The following MLH3 variants were observed in gnomAD, a reference collection of about 807,000 sequenced individuals.
MLH3 encodes the protein mutL homolog 3.
A neutral mutation model predicts 122.2 loss-of-function variants in MLH3; 82 were observed. The ratio of observed to expected loss-of-function variants is 0.67; its 90% CI spans 0.56 to 0.81. The LOEUF (loss-of-function observed/expected upper bound fraction) is 0.81, where lower values mean the gene tolerates loss of function less well. Among genes scored for constraint, MLH3 ranks in the 30% least tolerant of loss-of-function variants. The pLI is 0.00. For synonymous variants in MLH3, 524 were observed against 599.5 expected (o/e 0.87, Z 1.84); for missense variants, 1,539 against 1,714.5 (o/e 0.90, Z 1.81).
At chr14:75,029,981 C>G (rs1436823631) in intron 9 of MLH3, among the ~76,000 whole-genome samples, 1 of 121,120 alleles carries the variant, frequency 8.3e-6, no homozygotes, top group East Asian at 2.0e-4. Context: ...GCCCCCATCT[C>G]TACAAAAAAA....
At position 75,038,305 on chromosome 14, in the gene MLH3, G is replaced by C. The variant is rs3742780; in HGVS notation, c.3643+35C>G. ...TTAAAAAAAGGTTACAAGAAGACCA[G>C]CTGGTTAATCATTCAGGCTAAACTC... On this transcript the variant is annotated intron_variant, in intron 6 of 12. Coordinates refer to ENST00000355774, the MANE Select transcript of MLH3 (RefSeq NM_001040108.2). 701,302 of 1,443,704 alleles carry C rather than the reference G, an allele frequency of 0.49. 178,086 individuals are homozygous for C. The highest frequency in any genetic ancestry group is 0.83 in the East Asian group (36,617 of 44,200). 89.4% of individuals were successfully genotyped at this position (1,443,704 alleles called of 1,614,324 possible).
intron 9 of MLH3, among the ~76,000 whole-genome samples, chr14:75,027,312 T>A (rs577197787): frequency 6.6e-6 from 1 of 150,808 alleles, no homozygotes; most frequent in South Asian, 2.1e-4. Context: ...CAGGCTGGGG[T>A]GCAATGGCGT....
In MLH3 at chr14:75,048,710, C is replaced by G. The variant is rs780230299; in HGVS notation, c.946G>C (p.Glu316Gln). ...YVINVQCQFC[E>Q]YDVCMEPAKT... ...GCTGGCTCCATGCACACATCATACTCACAGAATTGGCACTGCACATTAATT... is the reference window on the plus strand; with the variant it reads ...GCTGGCTCCATGCACACATCATACTGACAGAATTGGCACTGCACATTAATT... The change falls in exon 2 of 13, where the codon GAG becomes CAG. Residue 316 changes from glutamate (E) to glutamine (Q), a missense_variant. Coordinates refer to ENST00000355774, the MANE Select transcript of MLH3 (RefSeq NM_001040108.2). The G allele has an allele frequency of 1.9e-6, 3 of 1,614,050 alleles. No individual in the cohort carries two copies. Among genetic ancestry groups the G allele is most frequent in the African/African-American group, 2.7e-5 (2 of 74,916 alleles).
chr14:75,047,512 G>A lies in MLH3; in HGVS notation c.2144C>T (p.Pro715Leu), dbSNP rs1892331703. ...AACGTGTCTATACCAGGGGAAAGAG[G>A]GGGATGTATCAGATAATATGCAATC... ...QTDCILSDTS[P>L]SFPWYRHVSN... Residue 715 changes from proline (P) to leucine (L), a missense_variant, in exon 2 of 13, where the codon CCC becomes CTC. Physicochemically the swap from Pro to Leu is moderately conservative, Grantham distance 98. Transcript: ENST00000355774. 3 of 1,613,884 alleles carry A rather than the reference G, an allele frequency of 1.9e-6. No homozygotes were observed. Among genetic ancestry groups the A allele is most frequent in the Non-Finnish European group, 2.5e-6 (3 of 1,179,984 alleles).
intron 11 of MLH3, among the ~76,000 whole-genome samples, chr14:75,021,303 G>A (rs939947349): frequency 1.3e-5 from 2 of 152,252 alleles, no homozygotes; most frequent in Non-Finnish European, 2.9e-5. Flanking sequence ...ATTGACAAGT[G>A]AGACTTAATT....
chr14:75,043,498 C>T (rs1892010828), intron 2 of MLH3, among the ~76,000 whole-genome samples: 1 of 152,186 alleles, frequency 6.6e-6, no homozygotes, highest in South Asian at 2.1e-4. Flanking sequence ...ATTCAAACTC[C>T]AGAGTCTAGT....
rs995768350 is a variant in MLH3 at position 75,014,934 on chromosome 14, C to T, written c.*2148G>A. ...CAAACCAGTTAACAGCTCCGAGCTT[C>T]GAAGTTTTATTATACAAAGGTGACA... On this transcript the variant is annotated 3_prime_UTR_variant, in exon 13 of 13. Coordinates refer to ENST00000355774, the MANE Select transcript of MLH3 (RefSeq NM_001040108.2). 1 of 179,532 alleles carries T rather than the reference C, an allele frequency of 5.6e-6. No homozygotes were observed. Among genetic ancestry groups the T allele is most frequent in the Admixed American group, 6.3e-5 (1 of 15,884 alleles). 11.1% of individuals were successfully genotyped at this position (179,532 alleles called of 1,614,324 possible). A position where few individuals can be genotyped will look rare whatever the true frequency, so the allele number is the denominator to read the frequency against.
At position 75,022,807 on chromosome 14, in the gene MLH3, G is replaced by C; in HGVS notation, c.4090+7C>G. 1 of 1,613,614 alleles carries C rather than the reference G, an allele frequency of 6.2e-7. No homozygotes were observed. Among genetic ancestry groups the C allele is most frequent in the South Asian group, 1.1e-5 (1 of 91,070 alleles). On this transcript the variant is annotated splice_region_variant and intron_variant, in intron 11 of 12. Coordinates refer to ENST00000355774, the MANE Select transcript of MLH3 (RefSeq NM_001040108.2). ...GTGTTTGATCACTGCTATGTTGAAG[G>C]GCTTACCATGGCAGGCTTGGGATGC...
At chr14:75,027,719 G>A (rs1890751664) in intron 9 of MLH3, among the ~76,000 whole-genome samples, 1 of 137,948 alleles carries the variant, frequency 7.2e-6, no homozygotes, top group Admixed American at 7.4e-5. Flanking sequence ...GAATAAGTAG[G>A]ATGCAAGAGG....
At chr14:75,021,172 T>G (rs934469783) in intron 11 of MLH3, among the ~76,000 whole-genome samples, 35 of 152,376 alleles carry the variant, frequency 2.3e-4, no homozygotes, top group Non-Finnish European at 3.8e-4. Context: ...CAACCGCGCC[T>G]GGGCGCATTC....
At chr14:75,038,224 G>T in intron 6 of MLH3, 116 bp downstream of exon 6, 1 of 773,124 alleles carries the variant, frequency 1.3e-6, no homozygotes, top group Non-Finnish European at 2.3e-6. Context: ...GTTTTAGATT[G>T]GCTTTCCCTA....
intron 9 of MLH3, among the ~76,000 whole-genome samples, chr14:75,027,672 A>AC (rs1890729009): frequency 1.5e-5 from 2 of 132,300 alleles, no homozygotes; most frequent in African/African-American, 2.8e-5. Flanking sequence ...AGTAAAAAAA[A>AC]AAAAAAAAAA....
At chr14:75,026,521 A>C (rs1377140714) in intron 9 of MLH3, among the ~76,000 whole-genome samples, 3 of 152,248 alleles carry the variant, frequency 2.0e-5, no homozygotes, top group African/African-American at 7.2e-5. Flanking sequence ...TTGAAGAGGC[A>C]TGCAGAGTAG....
chr14:75,020,388 G>A (rs1170296648), intron 11 of MLH3, among the ~76,000 whole-genome samples: 1 of 152,210 alleles, frequency 6.6e-6, no homozygotes, highest in Non-Finnish European at 1.5e-5. Flanking sequence ...TGAGAGAAGA[G>A]CAGCTTGAAA....
At chr14:75,036,936 A>C (rs1595063135) in intron 6 of MLH3, among the ~76,000 whole-genome samples, 1 of 151,934 alleles carries the variant, frequency 6.6e-6, no homozygotes, top group African/African-American at 2.4e-5. Flanking sequence ...GTTAACTGGG[A>C]CTCCACCCCT....
Position 75,022,879 on chromosome 14 carries a change from G to A in MLH3, c.4025C>T (p.Thr1342Ile), listed in dbSNP as rs1306854585. The change falls in exon 11 of 13, where the codon ACC becomes ATC. Residue 1342 changes from threonine to isoleucine, a missense_variant. Coordinates refer to ENST00000355774, the MANE Select transcript of MLH3 (RefSeq NM_001040108.2). Reference protein sequence around the residue: ...IREQLELLQTTGGIQGTLPLT... With the variant: ...IREQLELLQTIGGIQGTLPLT... ...TGGCAATGTCCCTTGGATGCCTCCG[G>A]TGGTCTGGAGTAGCTAATGCATAAA... The A allele has an allele frequency of 1.2e-6, 2 of 1,614,190 alleles. No homozygotes were observed. Among genetic ancestry groups the A allele is most frequent in the South Asian group, 1.1e-5 (1 of 91,080 alleles).
chr14:75,031,483 G>A (rs1190234356), intron 8 of MLH3, among the ~76,000 whole-genome samples: 2 of 152,172 alleles, frequency 1.3e-5, no homozygotes, highest in African/African-American at 2.4e-5. Flanking sequence ...AAAATTATCA[G>A]GGAAACTCTA....
Position 75,014,564 on chromosome 14 carries a change from C to T in MLH3, c.*2518G>A. On this transcript the variant is annotated 3_prime_UTR_variant, in exon 13 of 13. Transcript: ENST00000355774. ...GCCAGAAGAAGCTACTATATTCTAT[C>T]ATTAGTTTCCTTGTCTTTCTCAGTG... 1 of 202,024 alleles carries T rather than the reference C, an allele frequency of 4.9e-6. No individual in the cohort carries two copies. Among genetic ancestry groups the T allele is most frequent in the Non-Finnish European group, 1.0e-5 (1 of 98,120 alleles). 12.5% of individuals were successfully genotyped at this position (202,024 alleles called of 1,614,324 possible). A position where few individuals can be genotyped will look rare whatever the true frequency, so the allele number is the denominator to read the frequency against.
At chr14:75,046,166 CA>C (rs1892197073) in intron 2 of MLH3, among the ~76,000 whole-genome samples, 1 of 120,224 alleles carries the variant, frequency 8.3e-6, no homozygotes, top group Admixed American at 1.0e-4. Context: ...GGTGACAGAG[CA>C]AGACTCCGTC....
Sources: allele counts gnomAD v4.1 joint callset (sites outside exome capture counted in the v4.1 genomes callset), GRCh38; gene constraint gnomAD v4.1.1; transcripts MANE v1.5; gene names NCBI Gene and HGNC (gene_info 2026-07-23, HGNC 2026-07-21).